The following ATP2B2 variants were observed in gnomAD, a reference collection of about 807,000 sequenced individuals.
ATP2B2 encodes the protein plasma membrane calcium-transporting ATPase 2.
ATP2B2 carries 15 observed loss-of-function variants against 120.0 expected under a neutral mutation model. The observed-to-expected ratio is 0.12, with a 90% CI of 0.08 to 0.19. The LOEUF is 0.19. ATP2B2 is among the 10% of genes least tolerant of loss of function. The pLI is 1.00. For synonymous variants in ATP2B2, 694 were observed against 700.3 expected (o/e 0.99, Z 0.14); for missense variants, 1,045 against 1,719.8 (o/e 0.61, Z 6.94).
At chr3:10,386,830 C>A (rs557613574) in intron 6 of ATP2B2, among the ~76,000 whole-genome samples, 2 of 152,194 alleles carry the variant, frequency 1.3e-5, no homozygotes, top group African/African-American at 4.8e-5. Context: ...TTTCTGACAT[C>A]TCCATCTCAC....
chr3:10,553,813 C>T (rs1218625239), intron 2 of ATP2B2, among the ~76,000 whole-genome samples: 1 of 152,072 alleles, frequency 6.6e-6, no homozygotes, highest in Admixed American at 6.5e-5. Flanking sequence ...CACTTCTGGG[C>T]CCGTTACTAA....
intron 3 of ATP2B2, among the ~76,000 whole-genome samples, chr3:10,533,524 A>T (rs1469185325): frequency 6.6e-6 from 1 of 152,170 alleles, no homozygotes; most frequent in East Asian, 1.9e-4. Context: ...ACCAATAAAC[A>T]TACTACTGCC....
chr3:10,528,671 ACTTTTATGTG>A (rs894034555), intron 3 of ATP2B2, among the ~76,000 whole-genome samples: 51 of 130,134 alleles, frequency 3.9e-4, no homozygotes, highest in African/African-American at 1.8e-3. Flanking sequence ...TATATTTTTC[ACTTTTATGTG>A]AATTGATATT....
chr3:10,615,760 C>A (rs1188423143), intron 2 of ATP2B2, among the ~76,000 whole-genome samples: 4 of 152,014 alleles, frequency 2.6e-5, no homozygotes, highest in Non-Finnish European at 4.4e-5. Flanking sequence ...TTTTTATATT[C>A]AGATTTTAAT....
At position 10,503,465 on chromosome 3, in the gene ATP2B2, C is replaced by T. The variant is rs2066475810; in HGVS notation, c.-320+2000G>A. ...CCTGGGAATACGGGCTGGCCCTCCC[C>T]CAACGCCTGTGTGAGGCTGTGGCGG... On this transcript the variant is annotated intron_variant, in intron 1 of 22. Coordinates refer to ENST00000360273, the MANE Select transcript of ATP2B2 (RefSeq NM_001001331.4). 3.3e-5 allele frequency among the ~76,000 whole-genome samples: 5 copies of T among 152,274 alleles called. 1 individual carries two copies. Among genetic ancestry groups the T allele is most frequent in the Admixed American group, 3.3e-4 (5 of 15,294 alleles).
chr3:10,682,915 G>A (rs2071416764), intron 1 of ATP2B2, among the ~76,000 whole-genome samples: 1 of 152,184 alleles, frequency 6.6e-6, no homozygotes, highest in South Asian at 2.1e-4. Flanking sequence ...GTCAGAAGAG[G>A]AGGCAAACCC....
At chr3:10,467,073 C>A (rs2064776096) in intron 1 of ATP2B2, among the ~76,000 whole-genome samples, 1 of 152,204 alleles carries the variant, frequency 6.6e-6, no homozygotes, top group South Asian at 2.1e-4. Flanking sequence ...TAGATGGCTT[C>A]TAAGAGACTT....
At chr3:10,385,396 G>T in intron 7 of ATP2B2, 69 bp from the exon 8 acceptor site, 1 of 1,377,878 alleles carries the variant, frequency 7.3e-7, no homozygotes, top group South Asian at 1.2e-5. Context: ...ACAAAGACAT[G>T]AACCAACTTG....
intron 17 of ATP2B2, 56 bp downstream of exon 17, chr3:10,345,975 T>C (rs2060419942): frequency 3.3e-6 from 5 of 1,523,316 alleles, no homozygotes; most frequent in Non-Finnish European, 4.4e-6. Flanking sequence ...CCCAAGGTTG[T>C]GTAGTCCAAT....
intron 2 of ATP2B2, among the ~76,000 whole-genome samples, chr3:10,424,022 A>T (rs1052481916): frequency 6.6e-6 from 1 of 152,102 alleles, no homozygotes; most frequent in African/African-American, 2.4e-5. Context: ...GTGTCTTCTC[A>T]CTGTTCTGTG....
chr3:10,584,678 A>G (rs1409167523), intron 2 of ATP2B2, among the ~76,000 whole-genome samples: 1 of 151,914 alleles, frequency 6.6e-6, no homozygotes, highest in Non-Finnish European at 1.5e-5. Flanking sequence ...TCCTGCCTTA[A>G]CTCCTTAATT....
intron 8 of ATP2B2, among the ~76,000 whole-genome samples, chr3:10,379,753 A>T (rs1036657238): frequency 1.3e-5 from 2 of 151,498 alleles, no homozygotes; most frequent in African/African-American, 4.8e-5. Flanking sequence ...TGCAGTAGAG[A>T]GAGGGGAGAG....
intron 6 of ATP2B2, among the ~76,000 whole-genome samples, chr3:10,386,989 G>A (rs2061701104): frequency 6.6e-6 from 1 of 152,162 alleles, no homozygotes; most frequent in South Asian, 2.1e-4. Context: ...GAGTCTGGGG[G>A]CGTCTTCCCC....
At chr3:10,389,312 G>T (rs1397332184) in intron 5 of ATP2B2, among the ~76,000 whole-genome samples, 3 of 152,232 alleles carry the variant, frequency 2.0e-5, no homozygotes, top group African/African-American at 7.2e-5. Flanking sequence ...CCACCATGCA[G>T]GCTCAGAGAG....
intron 5 of ATP2B2, among the ~76,000 whole-genome samples, chr3:10,391,526 A>C (rs2061849265): frequency 6.6e-6 from 1 of 150,746 alleles, no homozygotes; most frequent in Non-Finnish European, 1.5e-5. Context: ...TAATCTAATC[A>C]CTCCCATCGC....
chr3:10,541,156 G>T (rs1449022959), intron 2 of ATP2B2, among the ~76,000 whole-genome samples: 4 of 151,900 alleles, frequency 2.6e-5, no homozygotes, highest in African/African-American at 4.8e-5. Context: ...TTTCTGTCTT[G>T]TTCTCTTTTT....
intron 2 of ATP2B2, among the ~76,000 whole-genome samples, chr3:10,606,999 A>G (rs2069104731): frequency 1.1e-3 from 5 of 4,698 alleles, no homozygotes; most frequent in Non-Finnish European, 3.3e-3. Flanking sequence ...AGAGAGAGAG[A>G]CAGAGAGAGA....
Position 10,343,725 on chromosome 3 carries a change from C to T in ATP2B2, c.2704-760G>A, listed in dbSNP as rs942868572. Among the ~76,000 whole-genome samples the T allele has an allele frequency of 6.6e-6, 1 of 152,130 alleles. No individual in the cohort carries two copies. Among genetic ancestry groups the T allele is most frequent in the African/African-American group, 2.4e-5 (1 of 41,406 alleles). Reference sequence around the variant, plus strand: ...GAATGCCCTCCGCCCACGTCACCAGCACCTTCTGTGCCACGAGTTGCAGGA... The same window carrying T: ...GAATGCCCTCCGCCCACGTCACCAGTACCTTCTGTGCCACGAGTTGCAGGA... On this transcript the variant is annotated intron_variant, in intron 18 of 22. Transcript: ENST00000360273. This position sits in a 1 kb window ranked among gnomAD's most constrained non-coding sequence, Gnocchi z 4.2.
intron 2 of ATP2B2, among the ~76,000 whole-genome samples, chr3:10,429,342 C>T (rs1575199212): frequency 6.6e-6 from 1 of 152,244 alleles, no homozygotes; most frequent in African/African-American, 2.4e-5. Flanking sequence ...GGCAACCCTG[C>T]ATTGAGCAAG....
Sources: allele counts gnomAD v4.1 joint callset (sites outside exome capture counted in the v4.1 genomes callset), GRCh38; gene constraint gnomAD v4.1.1; non-coding constraint Gnocchi (gnomAD v3.1); transcripts MANE v1.5; gene names NCBI Gene and HGNC (gene_info 2026-07-23, HGNC 2026-07-21).